The following CELF4 variants were observed in gnomAD, a reference collection of about 807,000 sequenced individuals.
CELF4 encodes the protein CUGBP Elav-like family member 4, also known as CUG-BP- and ETR-3-like factor 4.
A neutral mutation model predicts 59.9 loss-of-function variants in CELF4; 18 were observed. That is an observed-to-expected ratio of 0.30 (90% CI 0.21 to 0.45). The LOEUF (loss-of-function observed/expected upper bound fraction) is 0.45. CELF4 is among the 20% of genes least tolerant of loss of function. CELF4 has a pLI of 1.00. For missense variants in CELF4, 456 were observed against 689.0 expected, an observed-to-expected ratio of 0.66 and a Z score of 3.79; for synonymous variants, 261 against 267.1, an observed-to-expected ratio of 0.98 and a Z score of 0.22.
At chr18:37,445,859 C>T (rs1460136249) in intron 2 of CELF4, among the ~76,000 whole-genome samples, 1 of 152,204 alleles carries the variant, frequency 6.6e-6, no homozygotes, top group Non-Finnish European at 1.5e-5. Flanking sequence ...CCGCAGGTCT[C>T]TTTCTCTGTC....
intron 2 of CELF4, among the ~76,000 whole-genome samples, chr18:37,333,788 C>G (rs111826880): frequency 3.4e-5 from 1 of 29,728 alleles, no homozygotes; most frequent in Non-Finnish European, 7.9e-5. Context: ...ATCCATGCAT[C>G]CATCCATCCA....
intron 3 of CELF4, among the ~76,000 whole-genome samples, chr18:37,289,290 C>G (rs1161222300): frequency 6.6e-6 from 1 of 152,012 alleles, no homozygotes; most frequent in Non-Finnish European, 1.5e-5. Flanking sequence ...TGCACTGCCT[C>G]TCTAGGGAAG....
rs866451618 is a variant in CELF4 at position 37,309,641 on chromosome 18, G to A, written c.448+12162C>T. Among the ~76,000 whole-genome samples, 8 of 152,176 alleles carry A rather than the reference G, an allele frequency of 5.3e-5. No individual in the cohort carries two copies. In the South Asian group the frequency reaches 1.0e-3, roughly 20 times the overall value. On this transcript the variant is annotated intron_variant, in intron 3 of 12. Coordinates refer to ENST00000420428, the MANE Select transcript of CELF4 (RefSeq NM_020180.4). ...TGGGCCTGGTAAGCTTGGGCTAGAGGATGAGAAGAGACGACGTCCCCCAAA... is the reference window on the plus strand; with the variant it reads ...TGGGCCTGGTAAGCTTGGGCTAGAGAATGAGAAGAGACGACGTCCCCCAAA...
chr18:37,261,991 A>T (rs1394391203), intron 10 of CELF4, among the ~76,000 whole-genome samples: 3 of 152,144 alleles, frequency 2.0e-5, no homozygotes, highest in Non-Finnish European at 4.4e-5. Context: ...ACTCTGTGGG[A>T]CACGGCTTTG....
At chr18:37,360,099 C>G (rs192305705) in intron 2 of CELF4, among the ~76,000 whole-genome samples, 6 of 152,014 alleles carry the variant, frequency 3.9e-5, no homozygotes, top group African/African-American at 1.2e-4. Flanking sequence ...GCAATCCACC[C>G]GCCTCGGCCT....
At chr18:37,562,253 AG>A (rs1568395287) in intron 1 of CELF4, among the ~76,000 whole-genome samples, 1 of 152,190 alleles carries the variant, frequency 6.6e-6, no homozygotes, top group Non-Finnish European at 1.5e-5. Context: ...TACGCATGGC[AG>A]GTATTCCATT....
intron 2 of CELF4, among the ~76,000 whole-genome samples, chr18:37,371,126 G>A (rs759145646): frequency 1.2e-4 from 18 of 152,234 alleles, no homozygotes; most frequent in Non-Finnish European, 2.2e-4. Flanking sequence ...ATTGAACTAC[G>A]TCTTGTTGGA....
chr18:37,287,718 C>G (rs903547346), intron 3 of CELF4, among the ~76,000 whole-genome samples: 2 of 152,178 alleles, frequency 1.3e-5, no homozygotes, highest in African/African-American at 4.8e-5. Context: ...AGGGCCCATG[C>G]TTAAGTACAC....
At chr18:37,342,804 C>A (rs527659676) in intron 2 of CELF4, among the ~76,000 whole-genome samples, 1 of 152,126 alleles carries the variant, frequency 6.6e-6, no homozygotes, top group Non-Finnish European at 1.5e-5. Flanking sequence ...AAAACTAATG[C>A]AAAAAAAGTT....
At chr18:37,273,530 C>CA in intron 6 of CELF4, 1 of 1,010,596 alleles carries the variant, frequency 9.9e-7, no homozygotes, top group African/African-American at 1.7e-5. Flanking sequence ...CTGCAGAACT[C>CA]ACTTAGCACA....
chr18:37,360,065 C>T (rs1675920038), intron 2 of CELF4, among the ~76,000 whole-genome samples: 1 of 151,284 alleles, frequency 6.6e-6, no homozygotes, highest in Non-Finnish European at 1.5e-5. Flanking sequence ...GTTGGCCAGA[C>T]TGGTCTCGAA....
chr18:37,322,624 T>C (rs1372162261), intron 2 of CELF4, among the ~76,000 whole-genome samples: 1 of 152,196 alleles, frequency 6.6e-6, no homozygotes, highest in African/African-American at 2.4e-5. Flanking sequence ...TAGGGGTCTC[T>C]GGACTCCAAG....
intron 1 of CELF4, among the ~76,000 whole-genome samples, chr18:37,488,168 A>G (rs1250940135): frequency 6.6e-6 from 1 of 151,604 alleles, no homozygotes; most frequent in Non-Finnish European, 1.5e-5. Context: ...CTCAAATGAG[A>G]CCTCCTCAGA....
At chr18:37,558,591 A>G in intron 1 of CELF4, among the ~76,000 whole-genome samples, 1 of 150,138 alleles carries the variant, frequency 6.7e-6, no homozygotes, top group Admixed American at 6.6e-5. Flanking sequence ...CTACTCCCCT[A>G]GGCTGTTTGG....
rs577591840 is a variant in CELF4, at chr18:37,412,222, T to G, written c.369+73303A>C. 6.0e-4 allele frequency among the ~76,000 whole-genome samples: 91 copies of G among 152,322 alleles called. 1 individual carries two copies. The highest frequency in any genetic ancestry group is 4.8e-3 in the South Asian group (23 of 4,816). ...ATATGATACCTTCTGTTGCAGAACTTCCAGCCCAGAGACGGAGACTGCTTA... is the reference window on the plus strand; with the variant it reads ...ATATGATACCTTCTGTTGCAGAACTGCCAGCCCAGAGACGGAGACTGCTTA... On this transcript the variant is annotated intron_variant, in intron 2 of 12. Transcript: ENST00000420428.
chr18:37,248,853 C>A (rs2154258508), intron 12 of CELF4, among the ~76,000 whole-genome samples: 1 of 151,606 alleles, frequency 6.6e-6, no homozygotes. Context: ...GGCACTCAGG[C>A]CTGGGCCAAG....
chr18:37,348,259 C>T (rs191142758), intron 2 of CELF4, among the ~76,000 whole-genome samples: 3 of 152,324 alleles, frequency 2.0e-5, no homozygotes, highest in East Asian at 3.9e-4. Context: ...ATGCCCTTCA[C>T]GTGGTGAGGT....
intron 2 of CELF4, among the ~76,000 whole-genome samples, chr18:37,469,104 G>T (rs2099815392): frequency 6.6e-6 from 1 of 152,112 alleles, no homozygotes; most frequent in African/African-American, 2.4e-5. Context: ...TTCTTTAGAG[G>T]GAGGTACCTG....
chr18:37,336,251 C>T (rs1423951488), intron 2 of CELF4, among the ~76,000 whole-genome samples: 2 of 152,200 alleles, frequency 1.3e-5, no homozygotes, highest in South Asian at 2.1e-4. Flanking sequence ...CTGTGTAGGG[C>T]CTCACTCTGT....
Sources: gnomAD v4.1 joint callset for allele counts (sites outside exome capture counted in the v4.1 genomes callset) on GRCh38, gnomAD v4.1.1 for gene constraint, MANE v1.5 for transcripts, NCBI Gene and HGNC (gene_info 2026-07-23, HGNC 2026-07-21) for gene names.